The following ACTC1 variants were observed in gnomAD, a reference collection of about 807,000 sequenced individuals.
The protein encoded by ACTC1 is actin alpha cardiac muscle 1.
Under a neutral mutation model 31.6 loss-of-function variants are expected in ACTC1, and 10 were observed. That is an observed-to-expected ratio of 0.32 (90% CI 0.19 to 0.54). ACTC1 has a LOEUF of 0.54. Ranked by LOEUF, ACTC1 falls within the 20% of genes least tolerant of loss-of-function variation. ACTC1 has a pLI of 0.95. For missense variants in ACTC1, 129 were observed against 506.4 expected (o/e 0.25, Z 7.15); for synonymous variants, 196 against 185.0 (o/e 1.06, Z -0.48).
intron 6 of ACTC1, 132 bp downstream of exon 6, chr15:34,790,982 G>A (rs1891692853): frequency 1.2e-6 from 1 of 866,266 alleles, no homozygotes; most frequent in African/African-American, 1.7e-5. Context: ...ATCAGAAAAA[G>A]TGGTAGAAAA....
rs144819872 is a variant in ACTC1, at chr15:34,794,734, G to A, written c.75C>T (p.Gly25=). The change falls in exon 2 of 7, where the codon GGC becomes GGT. Residue 25 remains glycine (G), a synonymous_variant. Transcript: ENST00000290378. ...GGAAGACAGCGCGGGGCGCGTCATC[G>A]CCCGCAAAGCCGGCCTTCACCAGCC... ...GSGLVKAGFA[G]DDAPRAVFPS... The A allele has an allele frequency of 1.9e-6, 3 of 1,613,486 alleles. No homozygotes were observed. The East Asian group carries it at 6.7e-5, about 36-fold the overall frequency.
At chr15:34,795,351 T>A (rs1167336631) in intron 1 of ACTC1, among the ~76,000 whole-genome samples, 155 bp downstream of exon 1, 19 of 136,576 alleles carry the variant, frequency 1.4e-4, no homozygotes, top group Admixed American at 4.3e-4. Context: ...GTGTGGGCTT[T>A]AAAAAAAAAA....
intron 6 of ACTC1, 96 bp downstream of exon 6, chr15:34,791,018 C>G: frequency 8.2e-7 from 1 of 1,213,022 alleles, no homozygotes; most frequent in East Asian, 2.4e-5. Context: ...TTGTAGGAGA[C>G]AAGAAACTGA....
intron 1 of ACTC1, among the ~76,000 whole-genome samples, chr15:34,795,115 C>T (rs1486028448): frequency 1.3e-5 from 2 of 152,100 alleles, no homozygotes; most frequent in Non-Finnish European, 2.9e-5. Context: ...AACCCAGCCC[C>T]TTAGTCCTCC....
In ACTC1 at chr15:34,792,621, T is replaced by C; in HGVS notation, c.455-52A>G. ...GGTAAATTCCTGAGGACAACACCAC[T>C]GCTCTAGCCACGGCAAAGCCCGCTT... is the stretch of plus-strand genomic sequence containing the variant. On this transcript the variant is annotated intron_variant, in intron 3 of 6. Coordinates refer to ENST00000290378, the MANE Select transcript of ACTC1 (RefSeq NM_005159.5). This position sits in a 1 kb window ranked among gnomAD's most constrained non-coding sequence, Gnocchi z 5.3. The C allele has an allele frequency of 6.2e-7, 1 of 1,603,438 alleles. No individual in the cohort carries two copies. The highest frequency in any genetic ancestry group is 8.5e-7 in the Non-Finnish European group (1 of 1,170,600).
chr15:34,795,522 C>A lies in ACTC1; in HGVS notation c.-39G>T. The A allele has an allele frequency of 6.6e-6, 1 of 152,624 alleles. No individual in the cohort carries two copies. Among genetic ancestry groups the A allele is most frequent in the South Asian group, 2.1e-4 (1 of 4,878 alleles). 9.5% of individuals were successfully genotyped at this position (152,624 alleles called of 1,614,324 possible). On this transcript the variant is annotated 5_prime_UTR_variant, in exon 1 of 7. Coordinates refer to ENST00000290378, the MANE Select transcript of ACTC1 (RefSeq NM_005159.5). ...CTGACTCACCGTCGGCGGGGCGGGT[C>A]GGCTCGGCTCCGGCGGCAGCGGGCT... is the stretch of plus-strand genomic sequence containing the variant.
rs1403413691 is a variant in ACTC1 at position 34,791,094 on chromosome 15, C to T, written c.990+20G>A. The T allele has an allele frequency of 4.4e-6, 7 of 1,574,860 alleles. No individual in the cohort carries two copies. The highest frequency in any genetic ancestry group is 6.1e-6 in the Non-Finnish European group (7 of 1,155,226). ...ATACCAAGACTTGCCTCGGATCTCC[C>T]ACTCACAAAAGTTCTTTACCTTAAT... On this transcript the variant is annotated intron_variant, in intron 6 of 6. Transcript: ENST00000290378.
rs1431546190 is a variant in ACTC1 at position 34,792,642 on chromosome 15, C to T, written c.455-73G>A. 1.0e-5 allele frequency: 16 copies of T among 1,542,362 alleles called. No homozygotes were observed. The highest frequency in any genetic ancestry group is 6.8e-5 in the African/African-American group (5 of 73,344). ...CCACTGCTCTAGCCACGGCAAAGCC[C>T]GCTTCCAATCTTGGCTAAGAGATGC... is the stretch of plus-strand genomic sequence containing the variant. On this transcript the variant is annotated intron_variant, in intron 3 of 6. Transcript: ENST00000290378. This position sits in a 1 kb window ranked among gnomAD's most constrained non-coding sequence, Gnocchi z 5.3.
chr15:34,791,092 C>G, intron 6 of ACTC1, 22 bp downstream of exon 6: 2 of 1,573,662 alleles, frequency 1.3e-6, no homozygotes, highest in Non-Finnish European at 1.7e-6. Context: ...CCTCGGATCT[C>G]CCACTCACAA....
rs769654627 is a variant in ACTC1, at chr15:34,792,609, G to A, written c.455-40C>T. On this transcript the variant is annotated intron_variant, in intron 3 of 6. Coordinates refer to ENST00000290378, the MANE Select transcript of ACTC1 (RefSeq NM_005159.5). The surrounding 1 kb of genome is among the most constrained non-coding windows in gnomAD (Gnocchi z 5.3). ...AGACAAGAACAAGGTAAATTCCTGA[G>A]GACAACACCACTGCTCTAGCCACGG... The A allele has an allele frequency of 1.9e-6, 3 of 1,611,998 alleles. No individual in the cohort carries two copies. Among genetic ancestry groups the A allele is most frequent in the South Asian group, 1.1e-5 (1 of 91,028 alleles).
In ACTC1 at chr15:34,790,277, G is replaced by T; in HGVS notation, c.*135C>A. The T allele has an allele frequency of 8.5e-7, 1 of 1,171,174 alleles. No individual in the cohort carries two copies. The highest frequency in any genetic ancestry group is 2.4e-5 in the East Asian group (1 of 41,788). 72.5% of individuals were successfully genotyped at this position (1,171,174 alleles called of 1,614,324 possible). On this transcript the variant is annotated 3_prime_UTR_variant, in exon 7 of 7. Coordinates refer to ENST00000290378, the MANE Select transcript of ACTC1 (RefSeq NM_005159.5). Reference sequence around the variant, plus strand: ...TTTATTTATAAAGCAATAAATATTAGAAGCACAAACAAATTGCACGTGTGT... The same window carrying T: ...TTTATTTATAAAGCAATAAATATTATAAGCACAAACAAATTGCACGTGTGT...
At chr15:34,794,596 C>G in intron 2 of ACTC1, 84 bp downstream of exon 2, 1 of 1,504,564 alleles carries the variant, frequency 6.6e-7, no homozygotes, top group Non-Finnish European at 8.9e-7. Context: ...GTTCATCGAA[C>G]AAGAGGGTCA....
rs759078213 is a variant in ACTC1 at position 34,792,220 on chromosome 15, C to A, written c.678G>T (p.Glu226Asp). ...AAGAGGCAGCTGTGGCCATCTCATT[C>A]TCAAAATCCAGGGCGACATAGCACA... ...EKLCYVALDF[E>D]NEMATAASSS... The change falls in exon 5 of 7, where the codon GAG becomes GAT. Residue 226 changes from glutamate (E) to aspartate (D), a missense_variant. By Grantham distance (45) the Glu-to-Asp change is conservative. This residue lies in a region of ACTC1 where 37 missense variants were observed against 228.6 expected (regional missense o/e 0.16). Coordinates refer to ENST00000290378, the MANE Select transcript of ACTC1 (RefSeq NM_005159.5). The surrounding 1 kb of genome is among the most constrained non-coding windows in gnomAD (Gnocchi z 5.3). 6.2e-7 allele frequency: 1 copy of A among 1,614,240 alleles called. No homozygotes were observed. The highest frequency in any genetic ancestry group is 8.5e-7 in the Non-Finnish European group (1 of 1,180,032).
At position 34,794,707 on chromosome 15, in the gene ACTC1, C is replaced by T. The variant is rs1403653818; in HGVS notation, c.102G>A (p.Pro34=). ...GGTGCCGCGGGCGGCCCACGATGGA[C>T]GGGAAGACAGCGCGGGGCGCGTCAT... ...AGDDAPRAVF[P]SIVGRPRHQG... Residue 34 remains proline, a synonymous_variant, in exon 2 of 7, where the codon CCG becomes CCA. Transcript: ENST00000290378. 1 of 1,612,828 alleles carries T rather than the reference C, an allele frequency of 6.2e-7. No homozygotes were observed. The highest frequency in any genetic ancestry group is 8.5e-7 in the Non-Finnish European group (1 of 1,179,596).
chr15:34,790,847 G>A (rs1891689815), intron 6 of ACTC1, among the ~76,000 whole-genome samples: 1 of 152,182 alleles, frequency 6.6e-6, no homozygotes, highest in Admixed American at 6.5e-5. Context: ...AAAGTTGGGA[G>A]CTTTAAAAAT....
rs1310293291 is a variant in ACTC1 at position 34,791,570 on chromosome 15, G to C, written c.809-275C>G. On this transcript the variant is annotated intron_variant, in intron 5 of 6. Transcript: ENST00000290378. ...CACCTCCTGAAACTCTCAGATGTAT[G>C]AAGATGTATTGGAAAAGGAAAAGAT... is the stretch of plus-strand genomic sequence containing the variant. 4 of 474,884 alleles carry C rather than the reference G, an allele frequency of 8.4e-6. No homozygotes were observed. In the South Asian group the frequency reaches 1.3e-4, roughly 16 times the overall value. 29.4% of individuals were successfully genotyped at this position (474,884 alleles called of 1,614,324 possible). A position where few individuals can be genotyped will look rare whatever the true frequency, so the allele number is the denominator to read the frequency against.
At position 34,792,579 on chromosome 15, in the gene ACTC1, G is replaced by A. The variant is rs1043541570; in HGVS notation, c.455-10C>T. The A allele has an allele frequency of 1.2e-6, 2 of 1,614,150 alleles. No homozygotes were observed. The highest frequency in any genetic ancestry group is 1.7e-6 in the Non-Finnish European group (2 of 1,180,024). On this transcript the variant is annotated splice_polypyrimidine_tract_variant and intron_variant, in intron 3 of 6. Transcript: ENST00000290378. The surrounding 1 kb of genome is among the most constrained non-coding windows in gnomAD (Gnocchi z 5.3). ...GAGTCCAGAACAATGCCTGCCCGGG[G>A]AAGTAGACAAGAACAAGGTAAATTC... is the stretch of plus-strand genomic sequence containing the variant.
chr15:34,791,314 C>CACAT lies in ACTC1; in HGVS notation c.809-20_809-19insATGT, dbSNP rs1194538397. On this transcript the variant is annotated intron_variant, in intron 5 of 6. Transcript: ENST00000290378. ...TCCATACCTGGGAACGAGTCACACA[C>CACAT]ACACACACACACACACACACACACA... 1.5e-6 allele frequency: 1 copy of CACAT among 672,784 alleles called. No homozygotes were observed. The highest frequency in any genetic ancestry group is 2.0e-6 in the Non-Finnish European group (1 of 491,128). The allele number at this position is 672,784 out of a possible 1,614,324, so 41.7% of individuals were successfully genotyped here. A position where few individuals can be genotyped will look rare whatever the true frequency, so the allele number is the denominator to read the frequency against.
At position 34,790,448 on chromosome 15, in the gene ACTC1, C is replaced by T. The variant is rs758173419; in HGVS notation, c.1098G>A (p.Glu366=). 13 of 1,614,022 alleles carry T rather than the reference C, an allele frequency of 8.1e-6. No individual in the cohort carries two copies. The highest frequency in any genetic ancestry group is 1.7e-4 in the Middle Eastern group (1 of 6,052). The change falls in exon 7 of 7, where the codon GAG becomes GAA. Residue 366 remains glutamate, a synonymous_variant. Transcript: ENST00000290378. ...QMWISKQEYD[E]AGPSIVHRKC... ...TGCGGTGGACAATGGATGGGCCTGC[C>T]TCATCGTACTCTTGCTTGCTAATCC...
Sources: allele counts gnomAD v4.1 joint callset (sites outside exome capture counted in the v4.1 genomes callset), GRCh38; gene constraint gnomAD v4.1.1; regional missense constraint gnomAD v4.1.1; non-coding constraint Gnocchi (gnomAD v3.1); transcripts MANE v1.5; gene names NCBI Gene and HGNC (gene_info 2026-07-23, HGNC 2026-07-21).